Variants in LUZP2 observed in about 807,000 individuals in gnomAD.
The protein encoded by LUZP2 is leucine zipper protein 2.
In LUZP2, 52 loss-of-function variants were observed where a neutral mutation model predicts 51.6. The ratio of observed to expected loss-of-function variants is 1.01; its 90% CI spans 0.81 to 1.27. The LOEUF (loss-of-function observed/expected upper bound fraction) is 1.27. Among genes scored for constraint, LUZP2 ranks in the 50% most tolerant of loss-of-function variants. The probability of loss-of-function intolerance (pLI) is 0.00; values close to 1 mark genes in which losing one functional copy is unlikely to be tolerated. For missense variants in LUZP2, 436 were observed against 395.4 expected, an observed-to-expected ratio of 1.10 and a Z score of -0.87; for synonymous variants, 154 against 137.3, an observed-to-expected ratio of 1.12 and a Z score of -0.85.
chr11:24,824,747 C>A (rs1486634699), intron 5 of LUZP2, among the ~76,000 whole-genome samples: 2 of 151,890 alleles, frequency 1.3e-5, no homozygotes, highest in African/African-American at 2.4e-5. Flanking sequence ...TAAAAATATG[C>A]TTTTTCTGAT....
At chr11:24,732,237 A>C in intron 3 of LUZP2, 49 bp downstream of exon 3, 1 of 1,358,074 alleles carries the variant, frequency 7.4e-7, no homozygotes, top group Non-Finnish European at 1.0e-6. Flanking sequence ...GTGTCAAGCA[A>C]CATTCAGAAA....
intron 1 of LUZP2, among the ~76,000 whole-genome samples, chr11:24,576,701 T>C (rs1852664119): frequency 6.6e-6 from 1 of 152,066 alleles, no homozygotes; most frequent in South Asian, 2.1e-4. Context: ...AGACCAAGGA[T>C]AGTAATTTTC....
In LUZP2 at chr11:24,974,835, G is replaced by A. The variant is rs189625830; in HGVS notation, c.523-1756G>A. Among the ~76,000 whole-genome samples, 3 of 152,130 alleles carry A rather than the reference G, an allele frequency of 2.0e-5. No homozygotes were observed. In the East Asian group the frequency reaches 5.8e-4, roughly 29 times the overall value. On this transcript the variant is annotated intron_variant, in intron 7 of 11. Transcript: ENST00000336930. ...ATATCCAAAGCATATTGAGCAAGGG[G>A]CAAGTGGTAGGAAAGAAAGATTGAG... is the stretch of plus-strand genomic sequence containing the variant.
chr11:24,560,897 T>C (rs1007911799), intron 1 of LUZP2, among the ~76,000 whole-genome samples: 1 of 152,174 alleles, frequency 6.6e-6, no homozygotes, highest in Non-Finnish European at 1.5e-5. Context: ...GAGTCCAGGA[T>C]GCCAGCTTGG....
chr11:24,834,043 A>C (rs563640589), intron 5 of LUZP2, among the ~76,000 whole-genome samples: 10 of 152,126 alleles, frequency 6.6e-5, no homozygotes, highest in African/African-American at 2.4e-4. Flanking sequence ...AAAGTGTTAC[A>C]TTTTATTGAA....
intron 1 of LUZP2, among the ~76,000 whole-genome samples, chr11:24,572,240 G>A (rs1852467454): frequency 6.6e-6 from 1 of 151,778 alleles, no homozygotes; most frequent in African/African-American, 2.4e-5. Flanking sequence ...TTAGAACACT[G>A]TAAAAATTTA....
chr11:24,915,330 C>T (rs1853757273), intron 7 of LUZP2, among the ~76,000 whole-genome samples: 1 of 152,060 alleles, frequency 6.6e-6, no homozygotes, highest in Non-Finnish European at 1.5e-5. Context: ...CAACCCTCAA[C>T]TTACTGACTT....
intron 1 of LUZP2, among the ~76,000 whole-genome samples, chr11:24,675,961 G>A (rs1168321596): frequency 6.6e-6 from 1 of 152,012 alleles, no homozygotes. Flanking sequence ...TGGGATTACA[G>A]GTGTGTGCCA....
chr11:24,966,945 C>T (rs965657155), intron 7 of LUZP2, among the ~76,000 whole-genome samples: 1 of 149,206 alleles, frequency 6.7e-6, no homozygotes, highest in African/African-American at 2.4e-5. Context: ...TGCTTTCTCA[C>T]TATTTATTAA....
At chr11:24,998,943 T>C (rs1446734253) in intron 9 of LUZP2, among the ~76,000 whole-genome samples, 3 of 152,216 alleles carry the variant, frequency 2.0e-5, no homozygotes, top group South Asian at 2.1e-4. Context: ...AAACTGTTTT[T>C]GTGTGAAATT....
chr11:24,700,056 CTT>C lies in LUZP2; in HGVS notation c.63-29091_63-29090del, dbSNP rs762849302. ...ATTACTCTATGCCTATTTTCCTCAA[CTT>C]TTTTTTTTTTTTTTTTTTTTTGAGA... is the stretch of plus-strand genomic sequence containing the variant. On this transcript the variant is annotated intron_variant, in intron 1 of 11. Transcript: ENST00000336930. Among the ~76,000 whole-genome samples, 260 of 95,964 alleles carry C rather than the reference CTT, an allele frequency of 2.7e-3. 1 individual carries two copies. The highest frequency in any genetic ancestry group is 9.1e-3 in the African/African-American group (221 of 24,288). The allele number at this position is 95,964 out of a possible 152,430, so 63.0% of individuals were successfully genotyped here.
chr11:24,586,104 A>G (rs769159849), intron 1 of LUZP2, among the ~76,000 whole-genome samples: 2 of 152,158 alleles, frequency 1.3e-5, no homozygotes, highest in Non-Finnish European at 1.5e-5. Context: ...AAGAGAGGCC[A>G]AACCACAGAG....
intron 5 of LUZP2, among the ~76,000 whole-genome samples, chr11:24,808,779 C>T (rs1425453911): frequency 2.6e-5 from 4 of 152,062 alleles, no homozygotes; most frequent in Admixed American, 6.6e-5. Flanking sequence ...TCCCAGCTAT[C>T]AACTCTAAAA....
intron 7 of LUZP2, among the ~76,000 whole-genome samples, chr11:24,919,665 C>A (rs922063086): frequency 3.4e-5 from 5 of 148,444 alleles, no homozygotes; most frequent in African/African-American, 9.8e-5. Context: ...TACATGCATA[C>A]ATATATATAT....
intron 5 of LUZP2, among the ~76,000 whole-genome samples, chr11:24,861,869 C>A (rs1324403375): frequency 6.6e-6 from 1 of 152,166 alleles, no homozygotes; most frequent in African/African-American, 2.4e-5. Flanking sequence ...GAACAGGACC[C>A]ATGATCAAAG....
intron 1 of LUZP2, among the ~76,000 whole-genome samples, chr11:24,530,886 T>G (rs1850972455): frequency 6.7e-6 from 1 of 149,518 alleles, no homozygotes; most frequent in Non-Finnish European, 1.5e-5. Context: ...GTTTTCCATT[T>G]GGTCTTTCAA....
Position 24,593,763 on chromosome 11 carries a change from A to G in LUZP2, c.62+96458A>G, listed in dbSNP as rs534994091. Among the ~76,000 whole-genome samples, 35 of 152,286 alleles carry G rather than the reference A, an allele frequency of 2.3e-4. No homozygotes were observed. The East Asian group carries it at 6.4e-3, about 28-fold the overall frequency. On this transcript the variant is annotated intron_variant, in intron 1 of 11. Coordinates refer to ENST00000336930, the MANE Select transcript of LUZP2 (RefSeq NM_001009909.4). Reference sequence around the variant, plus strand: ...TTTTTATTACCTAAATTTAGATATGACATGACATCTCTTCTGCTGTATTTT... The same window carrying G: ...TTTTTATTACCTAAATTTAGATATGGCATGACATCTCTTCTGCTGTATTTT...
chr11:25,066,711 G>GAA (rs1487981456), intron 10 of LUZP2, among the ~76,000 whole-genome samples: 22 of 151,872 alleles, frequency 1.4e-4, no homozygotes, highest in Admixed American at 1.3e-4. Flanking sequence ...TCTGGAGGCT[G>GAA]ATCTGTTTGG....
At chr11:24,691,659 A>G (rs1391985943) in intron 1 of LUZP2, among the ~76,000 whole-genome samples, 3 of 152,080 alleles carry the variant, frequency 2.0e-5, no homozygotes, top group Non-Finnish European at 4.4e-5. Flanking sequence ...ATGAATAAAT[A>G]AGAAAAAGAG....
Sources: gnomAD v4.1 joint callset for allele counts (sites outside exome capture counted in the v4.1 genomes callset) on GRCh38, gnomAD v4.1.1 for gene constraint, MANE v1.5 for transcripts, NCBI Gene and HGNC (gene_info 2026-07-23, HGNC 2026-07-21) for gene names.